Variants in FER1L6 observed in about 807,000 individuals in gnomAD.
FER1L6 encodes the protein fer-1 like family member 6.
A neutral mutation model predicts 219.2 loss-of-function variants in FER1L6; 177 were observed. That is an observed-to-expected ratio of 0.81 (90% CI 0.71 to 0.91). The LOEUF is 0.91. Ranked by LOEUF, FER1L6 falls within the 40% of genes least tolerant of loss-of-function variation. FER1L6 has a pLI of 0.00. For missense variants in FER1L6, 2,153 were observed against 2,259.9 expected, an observed-to-expected ratio of 0.95 and a Z score of 0.96; for synonymous variants, 768 against 824.3, an observed-to-expected ratio of 0.93 and a Z score of 1.17.
rs1816515280 is a variant in FER1L6 at position 123,852,021 on chromosome 8, A to G, written c.-172A>G. ...TGCCTGTAACTGACTTCAAAAGGCC[A>G]TTCCACCATTCCGTCAAGCCAGCTG... On this transcript the variant is annotated 5_prime_UTR_variant, in exon 1 of 41. Coordinates refer to ENST00000522917, the MANE Select transcript of FER1L6 (RefSeq NM_001039112.2). This position sits in a 1 kb window ranked among gnomAD's most constrained non-coding sequence, Gnocchi z 4.9. The G allele has an allele frequency of 1.3e-5, 2 of 152,210 alleles. No individual in the cohort carries two copies. The highest frequency in any genetic ancestry group is 4.1e-4 in the South Asian group (2 of 4,834). The allele number at this position is 152,210 out of a possible 1,614,324, so 9.4% of individuals were successfully genotyped here. A position where few individuals can be genotyped will look rare whatever the true frequency, so the allele number is the denominator to read the frequency against.
chr8:123,853,358 A>T lies in FER1L6; in HGVS notation c.-8+1173A>T, dbSNP rs1471609072. ...TTAGAGAAGACGGGGTTTCACCATG[A>T]CGGCCAGGATGGTCTCAAACTTCTG... On this transcript the variant is annotated intron_variant, in intron 1 of 40. Coordinates refer to ENST00000522917, the MANE Select transcript of FER1L6 (RefSeq NM_001039112.2). The surrounding 1 kb of genome is among the most constrained non-coding windows in gnomAD (Gnocchi z 6.6). 6.6e-6 allele frequency among the ~76,000 whole-genome samples: 1 copy of T among 151,380 alleles called. No homozygotes were observed. The highest frequency in any genetic ancestry group is 2.1e-4 in the South Asian group (1 of 4,788).
intron 35 of FER1L6, among the ~76,000 whole-genome samples, chr8:124,096,868 T>C (rs963335655): frequency 6.6e-6 from 1 of 152,160 alleles, no homozygotes; most frequent in Non-Finnish European, 1.5e-5. Context: ...CGGACTCTGC[T>C]ACATATTGTC....
At chr8:124,062,092 G>A in intron 25 of FER1L6, 60 bp downstream of exon 25, 1 of 1,565,978 alleles carries the variant, frequency 6.4e-7, no homozygotes. Context: ...CCTGCAGAGT[G>A]CCTGCTGTGG....
intron 1 of FER1L6, among the ~76,000 whole-genome samples, chr8:123,858,656 A>G (rs1816690928): frequency 6.6e-6 from 1 of 152,198 alleles, no homozygotes; most frequent in Non-Finnish European, 1.5e-5. Context: ...TTTGGCCACA[A>G]CTCAGTGATG....
chr8:124,026,878 A>G (rs1036398832), intron 18 of FER1L6, among the ~76,000 whole-genome samples: 2 of 152,210 alleles, frequency 1.3e-5, no homozygotes, highest in African/African-American at 4.8e-5. Context: ...ACTGGCTTAA[A>G]CAACAGAGAT....
chr8:123,993,649 G>C (rs1416795471), intron 12 of FER1L6, among the ~76,000 whole-genome samples: 1 of 152,044 alleles, frequency 6.6e-6, no homozygotes, highest in Non-Finnish European at 1.5e-5. Context: ...TGTCCCACAG[G>C]GTGCTCCCTT....
rs189112958 is a variant in FER1L6 at position 124,035,404 on chromosome 8, C to T, written c.2414C>T (p.Ser805Phe). The T allele has an allele frequency of 9.4e-4, 1,513 of 1,613,940 alleles. 16 individuals are homozygous for T. Among genetic ancestry groups the T allele is most frequent in the African/African-American group, 5.6e-3 (419 of 75,028 alleles). The change falls in exon 19 of 41, where the codon TCC (serine) becomes TTC (phenylalanine). Residue 805 changes from serine (S) to phenylalanine (F), a missense_variant. Transcript: ENST00000522917. ...NLPVGYEAEM[S>F]SKGAGTNHPP... Reference sequence around the variant, plus strand: ...CCAGTAGGCTATGAAGCAGAAATGTCCTCCAAAGGGGCTGGCACCAATCAC... The same window carrying T: ...CCAGTAGGCTATGAAGCAGAAATGTTCTCCAAAGGGGCTGGCACCAATCAC...
At chr8:123,901,512 T>G (rs1221866335) in intron 1 of FER1L6, among the ~76,000 whole-genome samples, 1 of 144,330 alleles carries the variant, frequency 6.9e-6, no homozygotes, top group Non-Finnish European at 1.5e-5. Flanking sequence ...GCTCTGATCT[T>G]GGTTATTTCC....
At chr8:123,999,640 G>T (rs1817314115) in intron 12 of FER1L6, among the ~76,000 whole-genome samples, 1 of 152,136 alleles carries the variant, frequency 6.6e-6, no homozygotes, top group Non-Finnish European at 1.5e-5. Context: ...TCTAGCCTGG[G>T]CCACAGAGCG....
In FER1L6 at chr8:123,856,316, G is replaced by GTGTGTGTGTGTA. The variant is rs71576706; in HGVS notation, c.-8+4132_-8+4133insGTGTGTGTGTAT. Among the ~76,000 whole-genome samples, 56 of 45,086 alleles carry GTGTGTGTGTGTA rather than the reference G, an allele frequency of 1.2e-3. 7 individuals carry two copies. The highest frequency in any genetic ancestry group is 3.8e-3 in the Admixed American group (17 of 4,416). 29.6% of individuals were successfully genotyped at this position (45,086 alleles called of 152,430 possible). A position where few individuals can be genotyped will look rare whatever the true frequency, so the allele number is the denominator to read the frequency against. ...TGTATATATATATATATATGTATGT[G>GTGTGTGTGTGTA]TATATATATATATATATATATATAT... On this transcript the variant is annotated intron_variant, in intron 1 of 40. Transcript: ENST00000522917.
intron 1 of FER1L6, among the ~76,000 whole-genome samples, chr8:123,938,889 A>C (rs1018499294): frequency 1.2e-4 from 19 of 152,132 alleles, no homozygotes; most frequent in African/African-American, 4.1e-4. Context: ...AAATATCCAA[A>C]AGTATCACAT....
chr8:124,054,067 TG>T (rs1010596645), intron 22 of FER1L6, among the ~76,000 whole-genome samples: 1 of 152,202 alleles, frequency 6.6e-6, no homozygotes, highest in African/African-American at 2.4e-5. Context: ...AGGCCCGCCC[TG>T]CAGATTGTTC....
chr8:123,989,542 G>GT (rs956642624), intron 12 of FER1L6, among the ~76,000 whole-genome samples: 10 of 152,066 alleles, frequency 6.6e-5, no homozygotes, highest in African/African-American at 2.4e-4. Flanking sequence ...CCAGTATATA[G>GT]TTTTTTATCC....
At chr8:124,054,764 G>A (rs1402720497) in intron 22 of FER1L6, among the ~76,000 whole-genome samples, 1 of 152,208 alleles carries the variant, frequency 6.6e-6, no homozygotes, top group African/African-American at 2.4e-5. Context: ...CAAATGACAG[G>A]AAGCGGGAAG....
At chr8:123,877,832 CT>C (rs139082067) in intron 1 of FER1L6, among the ~76,000 whole-genome samples, 2,061 of 150,416 alleles carry the variant, frequency 0.014, 38 homozygotes, top group African/African-American at 0.043. Context: ...CCTATAAAAG[CT>C]TTTATCACTA....
rs748866059 is a variant in FER1L6 at position 124,069,449 on chromosome 8, G to A, written c.3808G>A (p.Gly1270Arg). The change falls in exon 29 of 41, where the codon GGA becomes AGA. Residue 1270 changes from glycine to arginine, a missense_variant. Gly to Arg is a moderately radical substitution (Grantham distance 125). Coordinates refer to ENST00000522917, the MANE Select transcript of FER1L6 (RefSeq NM_001039112.2). Reference protein sequence around the residue: ...KMLKKKPKDDGIPNLAILQIY... With the variant: ...KMLKKKPKDDRIPNLAILQIY... ...GCTCAAGAAGAAACCCAAAGATGATGGAATCCCCAACCTGGCCATCTTGCA... is the reference window on the plus strand; with the variant it reads ...GCTCAAGAAGAAACCCAAAGATGATAGAATCCCCAACCTGGCCATCTTGCA... 6.2e-6 allele frequency: 10 copies of A among 1,610,440 alleles called. No homozygotes were observed. The Admixed American group carries it at 8.4e-5, about 14-fold the overall frequency.
At chr8:124,069,250 C>T (rs571345683) in intron 28 of FER1L6, 110 bp from the exon 29 acceptor site, 1 of 825,370 alleles carries the variant, frequency 1.2e-6, no homozygotes, top group South Asian at 1.5e-5. Flanking sequence ...GTTACTATTT[C>T]TGAAGGGTCA....
rs751972841 is a variant in FER1L6 at position 124,060,162 on chromosome 8, A to C, written c.2875-18A>C. 6.9e-6 allele frequency: 11 copies of C among 1,595,096 alleles called. No homozygotes were observed. The highest frequency in any genetic ancestry group is 1.7e-5 in the Admixed American group (1 of 59,964). On this transcript the variant is annotated intron_variant, in intron 22 of 40. Transcript: ENST00000522917. ...TGTGTCTCTCCAGCATCTAACTCAT[A>C]CTTGCCTTGTGCGGTAGGTTCCTCC...
intron 2 of FER1L6, among the ~76,000 whole-genome samples, chr8:123,960,259 G>A (rs774647680): frequency 6.6e-6 from 1 of 152,088 alleles, no homozygotes; most frequent in Non-Finnish European, 1.5e-5. Context: ...AGAGTCTCTC[G>A]GTTTATTAGG....
Sources: gnomAD v4.1 joint callset for allele counts (sites outside exome capture counted in the v4.1 genomes callset) on GRCh38, gnomAD v4.1.1 for gene constraint, Gnocchi (gnomAD v3.1) non-coding constraint, MANE v1.5 for transcripts, NCBI Gene and HGNC (gene_info 2026-07-23, HGNC 2026-07-21) for gene names.